The following KIR3DL3 variants were observed in gnomAD, a reference collection of about 807,000 sequenced individuals.
The protein encoded by KIR3DL3 is killer cell immunoglobulin like receptor, three Ig domains and long cytoplasmic tail 3.
In KIR3DL3, 27 loss-of-function variants were observed where a neutral mutation model predicts 34.9. The ratio of observed to expected loss-of-function variants is 0.77; its 90% CI spans 0.57 to 1.07. The LOEUF (loss-of-function observed/expected upper bound fraction) is 1.07. KIR3DL3 is among the 50% of genes least tolerant of loss of function. The pLI, the probability that KIR3DL3 is intolerant of heterozygous loss-of-function variation, is 0.00. For synonymous variants in KIR3DL3, 217 were observed against 200.2 expected (o/e 1.08, Z -0.71); for missense variants, 681 against 528.5 (o/e 1.29, Z -2.83).
At chr19:54,725,980 A>C in intron 2 of KIR3DL3, 73 bp from the exon 3 acceptor site, 2 of 1,347,854 alleles carry the variant, frequency 1.5e-6, no homozygotes, top group Non-Finnish European at 2.1e-6. Flanking sequence ...GAAATGGGAG[A>C]ATCTTCTGAG....
chr19:54,731,986 A>AATCTTCAT (rs2068846170), intron 5 of KIR3DL3, among the ~76,000 whole-genome samples: 5 of 152,230 alleles, frequency 3.3e-5, no homozygotes. Flanking sequence ...TGCCATCTGC[A>AATCTTCAT]ATCTTCATTC....
chr19:54,734,977 C>A (rs1481239304), intron 5 of KIR3DL3, among the ~76,000 whole-genome samples: 2 of 142,702 alleles, frequency 1.4e-5, no homozygotes, highest in African/African-American at 2.7e-5. Context: ...CTCCATGACC[C>A]AAACAACTCC....
rs1387632410 is a variant in KIR3DL3 at position 54,725,159 on chromosome 19, C to A, written c.35-88C>A. 19 of 145,802 alleles carry A rather than the reference C, an allele frequency of 1.3e-4. 7 individuals are homozygous for A. The highest frequency in any genetic ancestry group is 1.7e-4 in the Non-Finnish European group (16 of 92,682). The allele number at this position is 145,802 out of a possible 1,614,324, so 9.0% of individuals were successfully genotyped here. On this transcript the variant is annotated intron_variant, in intron 1 of 7. Coordinates refer to ENST00000291860, the MANE Select transcript of KIR3DL3 (RefSeq NM_153443.5). ...TATAGGCCTGGAGTGGAGATATGGG[C>A]CTAGAGGTGGAGATATGGGCCTGGA...
At chr19:54,732,680 C>G (rs1162471653) in intron 5 of KIR3DL3, among the ~76,000 whole-genome samples, 1 of 152,164 alleles carries the variant, frequency 6.6e-6, no homozygotes, top group Non-Finnish European at 1.5e-5. Context: ...GGAAGATTGG[C>G]GGAAGGATTT....
Position 54,725,299 on chromosome 19 carries a change from A to G in KIR3DL3, c.70+17A>G. The G allele has an allele frequency of 3.2e-6, 5 of 1,556,092 alleles. No individual in the cohort carries two copies. Among genetic ancestry groups the G allele is most frequent in the Non-Finnish European group, 4.3e-6 (5 of 1,150,100 alleles). On this transcript the variant is annotated intron_variant, in intron 2 of 7. Transcript: ENST00000291860. ...CACATGTGGGTGAGTCCTTCCCCCA[A>G]ACCTTAGGTTGTCATCTCCCCACAT...
chr19:54,728,009 G>A, intron 4 of KIR3DL3, 99 bp downstream of exon 4: 1 of 1,235,586 alleles, frequency 8.1e-7, no homozygotes, highest in Non-Finnish European at 1.1e-6. Context: ...TGAGTGTGGG[G>A]TTCCTATGGA....
chr19:54,733,045 G>C (rs2068998542), intron 5 of KIR3DL3, among the ~76,000 whole-genome samples: 1 of 152,192 alleles, frequency 6.6e-6, no homozygotes, highest in Non-Finnish European at 1.5e-5. Flanking sequence ...ATGAATGAAA[G>C]ATGGATATAA....
At chr19:54,727,166 G>A (rs906459513) in intron 3 of KIR3DL3, among the ~76,000 whole-genome samples, 2 of 120,786 alleles carry the variant, frequency 1.7e-5, no homozygotes, top group Non-Finnish European at 1.8e-5. Context: ...AGACATGAAA[G>A]GAGAGGCTCC....
chr19:54,726,452 G>T (rs1461921446), intron 3 of KIR3DL3, 115 bp downstream of exon 3: 1 of 1,337,452 alleles, frequency 7.5e-7, no homozygotes, highest in South Asian at 1.4e-5. Flanking sequence ...TTGGGGTAAA[G>T]GGGGATTCAG....
intron 5 of KIR3DL3, 123 bp downstream of exon 5, chr19:54,729,909 G>T: frequency 1.3e-6 from 1 of 797,888 alleles, no homozygotes; most frequent in Non-Finnish European, 1.9e-6. Flanking sequence ...ATGGGTGTAA[G>T]GGCGGGGTCA....
chr19:54,733,217 C>G (rs1208011810), intron 5 of KIR3DL3, among the ~76,000 whole-genome samples: 3 of 151,942 alleles, frequency 2.0e-5, no homozygotes, highest in African/African-American at 7.3e-5. Context: ...AGGGGTGGTG[C>G]AAATGAAGGG....
chr19:54,725,296 C>T lies in KIR3DL3; in HGVS notation c.70+14C>T, dbSNP rs1272544572. On this transcript the variant is annotated intron_variant, in intron 2 of 7. Transcript: ENST00000291860. The stretch of plus-strand genomic sequence containing the variant: ...GGCCACATGTGGGTGAGTCCTTCCC[C>T]CAAACCTTAGGTTGTCATCTCCCCA... 1 of 1,564,208 alleles carries T rather than the reference C, an allele frequency of 6.4e-7. No individual in the cohort carries two copies. The highest frequency in any genetic ancestry group is 8.7e-7 in the Non-Finnish European group (1 of 1,154,128).
chr19:54,727,186 T>A (rs939277421), intron 3 of KIR3DL3, among the ~76,000 whole-genome samples: 3 of 117,862 alleles, frequency 2.5e-5, no homozygotes, highest in Non-Finnish European at 5.4e-5. Flanking sequence ...CCAATCCCCA[T>A]CAGGAACAGG....
rs1225610550 is a variant in KIR3DL3, at chr19:54,728,647, A to C, written c.655+737A>C. The stretch of plus-strand genomic sequence containing the variant: ...GAGAGACTCACAGACACATAAAGAG[A>C]TAGAAAAAGAGGGCAGAGAAGTGGA... On this transcript the variant is annotated intron_variant, in intron 4 of 7. Transcript: ENST00000291860. Among the ~76,000 whole-genome samples, 6 of 152,272 alleles carry C rather than the reference A, an allele frequency of 3.9e-5. No individual in the cohort carries two copies. In the East Asian group the frequency reaches 5.8e-4, roughly 15 times the overall value.
rs1295119144 is a variant in KIR3DL3 at position 54,725,940 on chromosome 19, C to T, written c.71-113C>T. On this transcript the variant is annotated intron_variant, in intron 2 of 7. Coordinates refer to ENST00000291860, the MANE Select transcript of KIR3DL3 (RefSeq NM_153443.5). Reference sequence around the variant, plus strand: ...TGGGTCCTTCCTGTAGCCCTGGGCACCCAGGTGTGGTAGGAGCCTTAGAAA... The same window carrying T: ...TGGGTCCTTCCTGTAGCCCTGGGCATCCAGGTGTGGTAGGAGCCTTAGAAA... 80 of 1,033,048 alleles carry T rather than the reference C, an allele frequency of 7.7e-5. No homozygotes were observed. The East Asian group carries it at 1.9e-3, about 24-fold the overall frequency. 64.0% of individuals were successfully genotyped at this position (1,033,048 alleles called of 1,614,324 possible). A position where few individuals can be genotyped will look rare whatever the true frequency, so the allele number is the denominator to read the frequency against.
intron 4 of KIR3DL3, among the ~76,000 whole-genome samples, chr19:54,728,183 A>C (rs2146785592): frequency 6.6e-6 from 1 of 150,458 alleles, no homozygotes; most frequent in South Asian, 2.1e-4. Flanking sequence ...CATATCCCAG[A>C]GAGAGGTGTC....
Position 54,727,928 on chromosome 19 carries a change from T to G in KIR3DL3, c.655+18T>G. On this transcript the variant is annotated intron_variant, in intron 4 of 7. Coordinates refer to ENST00000291860, the MANE Select transcript of KIR3DL3 (RefSeq NM_153443.5). ...GGTCGTAGGTGAGAGAATACAGACC[T>G]GCCTCTCACCCTTGCTGGGAGATGG... The G allele has an allele frequency of 1.3e-6, 2 of 1,590,238 alleles. No homozygotes were observed. The highest frequency in any genetic ancestry group is 1.7e-6 in the Non-Finnish European group (2 of 1,165,640).
At position 54,729,549 on chromosome 19, in the gene KIR3DL3, G is replaced by A; in HGVS notation, c.712G>A (p.Glu238Lys). Reference protein sequence around the residue: ...AQPGPTVQAGENVTLSCSSRS... With the variant: ...AQPGPTVQAGKNVTLSCSSRS... ...GCCGGGCCCCACGGTTCAGGCAGGA[G>A]AGAATGTGACCTTGTCCTGCAGCTC... Residue 238 changes from glutamate (E) to lysine (K), a missense_variant, in exon 5 of 8, where the codon GAG becomes AAG. Physicochemically the swap from Glu to Lys is moderately conservative, Grantham distance 56. Coordinates refer to ENST00000291860, the MANE Select transcript of KIR3DL3 (RefSeq NM_153443.5). 27 of 1,607,310 alleles carry A rather than the reference G, an allele frequency of 1.7e-5. No homozygotes were observed. Among genetic ancestry groups the A allele is most frequent in the Non-Finnish European group, 2.2e-5 (26 of 1,178,534 alleles).
chr19:54,725,360 AG>A, intron 2 of KIR3DL3, 78 bp downstream of exon 2: 1 of 1,116,754 alleles, frequency 9.0e-7, no homozygotes. Flanking sequence ...CAGGCGACAC[AG>A]GGGGTTGACT....
Sources: allele counts gnomAD v4.1 joint callset (sites outside exome capture counted in the v4.1 genomes callset), GRCh38; gene constraint gnomAD v4.1.1; transcripts MANE v1.5; gene names NCBI Gene and HGNC (gene_info 2026-07-23, HGNC 2026-07-21).